TENM1: variants seen among roughly 807,000 people sequenced by gnomAD.
The protein encoded by TENM1 is teneurin-1.
Under a neutral mutation model 174.8 loss-of-function variants are expected in TENM1, and 35 were observed. That is an observed-to-expected ratio of 0.20 (90% confidence interval 0.15 to 0.27). The LOEUF is 0.27. TENM1 is among the 10% of genes least tolerant of loss of function. The pLI is 1.00. For missense variants in TENM1, 1,633 were observed against 2,130.1 expected, an observed-to-expected ratio of 0.77 and a Z score of 4.59; for synonymous variants, 781 against 798.7, an observed-to-expected ratio of 0.98 and a Z score of 0.37.
chrX:124,546,751 A>G, intron 15 of TENM1, 123 bp downstream of exon 18: 1 of 607,905 alleles, frequency 1.6e-6, no homozygotes, highest in East Asian at 3.4e-5. Context: ...GAAGTCCTAA[A>G]AAGAAATGAA....
the TENM1 span, among the ~76,000 whole-genome samples, chrX:125,075,280 G>A: frequency 8.9e-6 from 1 of 111,855 alleles, no homozygotes; most frequent in East Asian, 2.8e-4. Context: ...TTAGCATAAT[G>A]TTTTTGAGAT....
intron 3 of TENM1, among the ~76,000 whole-genome samples, chrX:124,756,001 C>T (rs1160771872): frequency 2.0e-5 from 2 of 101,573 alleles, no homozygotes; most frequent in Non-Finnish European, 3.9e-5. Flanking sequence ...ATCTTTGTGC[C>T]ATTCTCTGTA....
intron 5 of TENM1, among the ~76,000 whole-genome samples, chrX:124,677,860 T>C (rs1461885386): frequency 9.0e-6 from 1 of 111,584 alleles, no homozygotes; most frequent in Non-Finnish European, 1.9e-5. Flanking sequence ...AATAGCCTCA[T>C]ACCAATGTTA....
intron 1 of TENM1, among the ~76,000 whole-genome samples, chrX:124,959,403 T>C (rs2058623300): frequency 9.0e-6 from 1 of 111,593 alleles, no homozygotes; most frequent in African/African-American, 3.3e-5. Flanking sequence ...AGGATGGTGC[T>C]GGCTAAAAAT....
At chrX:125,072,827 G>T in the TENM1 span, among the ~76,000 whole-genome samples, 1 of 111,440 alleles carries the variant, frequency 9.0e-6, no homozygotes, top group Non-Finnish European at 1.9e-5. Context: ...ATGCTCTTAC[G>T]CTACATTCAC....
chrX:125,181,379 A>G, the TENM1 span, among the ~76,000 whole-genome samples: 1 of 111,450 alleles, frequency 9.0e-6, no homozygotes, highest in African/African-American at 3.3e-5. Flanking sequence ...CATTTTTAAA[A>G]AGGAAGAAAA....
At chrX:124,755,019 C>G (rs1325001824) in intron 3 of TENM1, among the ~76,000 whole-genome samples, 2 of 101,174 alleles carry the variant, frequency 2.0e-5, no homozygotes, top group South Asian at 4.6e-4. Context: ...TGGTGCAGAG[C>G]TGAGTTCAAT....
chrX:124,871,271 G>A (rs190156820), intron 3 of TENM1, among the ~76,000 whole-genome samples: 270 of 112,091 alleles, frequency 2.4e-3, no homozygotes, highest in African/African-American at 8.5e-3. Context: ...AGATCACTCT[G>A]AGAAGCATAG....
intron 3 of TENM1, among the ~76,000 whole-genome samples, chrX:124,843,483 C>G (rs769263473): frequency 8.1e-5 from 9 of 111,103 alleles, no homozygotes; most frequent in East Asian, 2.9e-4. Flanking sequence ...TGCCTCCCCC[C>G]CTCCCTACTC....
At chrX:124,989,861 T>G in the TENM1 span, among the ~76,000 whole-genome samples, 3 of 111,898 alleles carry the variant, frequency 2.7e-5, no homozygotes, top group African/African-American at 3.2e-5. Flanking sequence ...CGTAAAACAT[T>G]TGTTGAATAA....
intron 2 of TENM1, 44 bp downstream of exon 5, chrX:124,895,937 C>T (rs759645557): frequency 1.7e-6 from 2 of 1,189,724 alleles, no homozygotes; most frequent in Non-Finnish European, 2.3e-6. Context: ...CTAAAAACTG[C>T]ATTCTTTCTG....
chrX:125,092,345 A>G, the TENM1 span, among the ~76,000 whole-genome samples: 2 of 111,982 alleles, frequency 1.8e-5, no homozygotes, highest in Non-Finnish European at 3.8e-5. Flanking sequence ...TTTATGCATT[A>G]TAAGATTATC....
chrX:124,939,905 A>AT (rs961866921), intron 1 of TENM1, among the ~76,000 whole-genome samples: 2 of 112,064 alleles, frequency 1.8e-5, no homozygotes, highest in African/African-American at 3.2e-5. Flanking sequence ...TCCTGTTTTA[A>AT]TTTTTTAATA....
intron 11 of TENM1, among the ~76,000 whole-genome samples, chrX:124,617,937 C>T (rs1569346028): frequency 8.9e-6 from 1 of 111,855 alleles, no homozygotes; most frequent in African/African-American, 3.3e-5. Flanking sequence ...AGACTCCATT[C>T]ATAGCCATAA....
At chrX:124,523,100 T>C (rs1359543815) in intron 17 of TENM1, among the ~76,000 whole-genome samples, 4 of 112,274 alleles carry the variant, frequency 3.6e-5, no homozygotes, top group African/African-American at 1.3e-4. Context: ...GAGCACAGTG[T>C]TTATTAGGTC....
chrX:124,723,335 A>C (rs2053361042), intron 4 of TENM1, among the ~76,000 whole-genome samples: 1 of 111,429 alleles, frequency 9.0e-6, no homozygotes, highest in African/African-American at 3.3e-5. Context: ...TGATATTTGA[A>C]AATCATGATC....
the TENM1 span, among the ~76,000 whole-genome samples, chrX:125,171,061 A>G: frequency 9.0e-6 from 1 of 111,147 alleles, no homozygotes; most frequent in Non-Finnish European, 1.9e-5. Context: ...ATTATATTGT[A>G]GGAGTTATTT....
At chrX:124,989,929 A>C in the TENM1 span, among the ~76,000 whole-genome samples, 2 of 111,971 alleles carry the variant, frequency 1.8e-5, no homozygotes, top group African/African-American at 6.5e-5. Context: ...TCTTTCATTA[A>C]GTATCTGTGA....
At chrX:125,031,759 G>T in the TENM1 span, among the ~76,000 whole-genome samples, 4 of 112,058 alleles carry the variant, frequency 3.6e-5, no homozygotes, top group East Asian at 1.1e-3. Context: ...AGAATTAAGT[G>T]TTTCTTCTTA....
Sources: gnomAD v4.1 joint callset for allele counts (sites outside exome capture counted in the v4.1 genomes callset) on GRCh38, gnomAD v4.1.1 for gene constraint, MANE v1.5 for transcripts, NCBI Gene and HGNC (gene_info 2026-07-23, HGNC 2026-07-21) for gene names.